Variants in PIGU observed in about 807,000 individuals in gnomAD.
PIGU encodes phosphatidylinositol glycan anchor biosynthesis class U, also known as GPI-anchor transamidase component PIGU.
In PIGU, 24 loss-of-function variants were observed where a neutral mutation model predicts 49.9. The ratio of observed to expected loss-of-function variants is 0.48; its 90% confidence interval spans 0.35 to 0.68. PIGU has a LOEUF of 0.68. Among genes scored for constraint, PIGU ranks in the 30% least tolerant of loss-of-function variants. PIGU has a pLI of 0.01. For missense variants in PIGU, 490 were observed against 532.6 expected (o/e 0.92, Z 0.79); for synonymous variants, 220 against 205.7 (o/e 1.07, Z -0.59).
At chr20:34,568,037 C>T (rs6088527) in intron 11 of PIGU, among the ~76,000 whole-genome samples, 66,813 of 151,986 alleles carry the variant, frequency 0.44, 15,282 homozygotes, top group Non-Finnish European at 0.5. Flanking sequence ...GGAAGTACAC[C>T]TCTGTCTCAT....
chr20:34,632,578 G>A (rs576477668), intron 6 of PIGU, among the ~76,000 whole-genome samples: 9 of 151,960 alleles, frequency 5.9e-5, no homozygotes, highest in African/African-American at 2.2e-4. Context: ...TCTTGACCAG[G>A]CTGGTCTTGA....
At position 34,614,967 on chromosome 20, in the gene PIGU, C is replaced by T. The variant is rs117993095; in HGVS notation, c.627+1075G>A. Among the ~76,000 whole-genome samples, 95 of 152,276 alleles carry T rather than the reference C, an allele frequency of 6.2e-4. No homozygotes were observed. In the East Asian group the frequency reaches 0.014, roughly 23 times the overall value. Reference sequence around the variant, plus strand: ...TGTGGGGCCTGCATGCAGTTACTTCCTCTTGAAGAAACATGTATGTACTAT... The same window carrying T: ...TGTGGGGCCTGCATGCAGTTACTTCTTCTTGAAGAAACATGTATGTACTAT... On this transcript the variant is annotated intron_variant, in intron 7 of 11. Transcript: ENST00000217446.
In PIGU at chr20:34,639,737, A is replaced by C. The variant is rs12624997; in HGVS notation, c.319-1752T>G. On this transcript the variant is annotated intron_variant, in intron 4 of 11. Transcript: ENST00000217446. ...TAGAGGCTTAATCTGAAAACCTGCA[A>C]CAAACTTCAAAAACCTCCCTTTGAT... Among the ~76,000 whole-genome samples the C allele has an allele frequency of 1.8e-3, 280 of 152,328 alleles. 6 individuals are homozygous for C. The East Asian group carries it at 0.045, about 24-fold the overall frequency.
At chr20:34,645,400 T>C in intron 2 of PIGU, 66 bp from the exon 3 acceptor site, 2 of 1,478,862 alleles carry the variant, frequency 1.4e-6, no homozygotes, top group South Asian at 1.4e-5. Flanking sequence ...GTTTCCAGAG[T>C]AGAGAGTGGG....
rs1368824799 is a variant in PIGU, at chr20:34,626,404, G to A, written c.529+8211C>T. Reference sequence around the variant, plus strand: ...TGCAACCTCCACCTCCCGGGTTCAAGCGATTCTCCTGCCTCAGCCTCCCGA... The same window carrying A: ...TGCAACCTCCACCTCCCGGGTTCAAACGATTCTCCTGCCTCAGCCTCCCGA... On this transcript the variant is annotated intron_variant, in intron 6 of 11. Transcript: ENST00000217446. Among the ~76,000 whole-genome samples, 5 of 151,170 alleles carry A rather than the reference G, an allele frequency of 3.3e-5. No individual in the cohort carries two copies. In the East Asian group the frequency reaches 9.7e-4, roughly 29 times the overall value.
Position 34,649,801 on chromosome 20 carries a change from T to C in PIGU, c.196-4467A>G, listed in dbSNP as rs185748203. ...CTGCCCACCTTGGCCTCCCAAAGTG[T>C]TGGTATTACAGGCATGAGCCACTGT... On this transcript the variant is annotated intron_variant, in intron 2 of 11. Transcript: ENST00000217446. 1.2e-3 allele frequency among the ~76,000 whole-genome samples: 180 copies of C among 150,744 alleles called. 3 individuals are homozygous for C. The East Asian group carries it at 0.032, about 27-fold the overall frequency.
chr20:34,562,563 C>A (rs886471929), intron 11 of PIGU: 1 of 1,289,156 alleles, frequency 7.8e-7, no homozygotes, highest in African/African-American at 1.5e-5. Flanking sequence ...CACAGAAGCC[C>A]ATCTGGAAGG....
intron 10 of PIGU, among the ~76,000 whole-genome samples, chr20:34,575,883 A>G (rs1568622437): frequency 6.6e-6 from 1 of 152,192 alleles, no homozygotes; most frequent in Non-Finnish European, 1.5e-5. Flanking sequence ...GCTCTCCCTG[A>G]GGTCTCAGGA....
At chr20:34,585,873 A>G (rs1282506778) in intron 8 of PIGU, among the ~76,000 whole-genome samples, 1 of 152,248 alleles carries the variant, frequency 6.6e-6, no homozygotes, top group Non-Finnish European at 1.5e-5. Context: ...TTTACTGCGC[A>G]AGACAGTTTA....
chr20:34,569,359 A>G (rs1019959850), intron 11 of PIGU, among the ~76,000 whole-genome samples: 2 of 152,052 alleles, frequency 1.3e-5, no homozygotes, highest in Non-Finnish European at 2.9e-5. Flanking sequence ...CCTCCTGAGT[A>G]GCTGGGATTA....
chr20:34,575,208 C>A lies in PIGU; in HGVS notation c.1090G>T (p.Val364Phe). 1.2e-6 allele frequency: 2 copies of A among 1,614,082 alleles called. No homozygotes were observed. The highest frequency in any genetic ancestry group is 1.7e-6 in the Non-Finnish European group (2 of 1,179,984). ...AGGACAGGGAAGAGCAGGGAACAGA[C>A]GATGATGATGCAGGTGAGGACAAAG... ...NIFVLTCIII[V>F]CSLLFPVLWH... Residue 364 changes from valine to phenylalanine, a missense_variant, in exon 11 of 12, where the codon GTC (valine) becomes TTC (phenylalanine). Coordinates refer to ENST00000217446, the MANE Select transcript of PIGU (RefSeq NM_080476.5).
rs1444585167 is a variant in PIGU at position 34,654,875 on chromosome 20, C to T, written c.195+2305G>A. On this transcript the variant is annotated intron_variant, in intron 2 of 11. Transcript: ENST00000217446. ...CAAAAATTAGCCAGGCATGGTGGCG[C>T]GTGCCTGTGGTCCCAGCTTCTCGGG... is the stretch of plus-strand genomic sequence containing the variant. Among the ~76,000 whole-genome samples, 8 of 116,210 alleles carry T rather than the reference C, an allele frequency of 6.9e-5. 1 individual carries two copies. The highest frequency in any genetic ancestry group is 1.1e-4 in the Non-Finnish European group (6 of 54,996). The allele number at this position is 116,210 out of a possible 152,430, so 76.2% of individuals were successfully genotyped here. A position where few individuals can be genotyped will look rare whatever the true frequency, so the allele number is the denominator to read the frequency against.
At chr20:34,657,655 G>A (rs572780349) in intron 1 of PIGU, among the ~76,000 whole-genome samples, 2 of 152,096 alleles carry the variant, frequency 1.3e-5, no homozygotes, top group African/African-American at 4.8e-5. Context: ...AGTGACATTT[G>A]TATTAACTTT....
intron 11 of PIGU, among the ~76,000 whole-genome samples, chr20:34,573,308 C>T (rs1414086155): frequency 6.6e-6 from 1 of 152,152 alleles, no homozygotes; most frequent in African/African-American, 2.4e-5. Context: ...GCTATGAACA[C>T]ACTTGATCCA....
intron 11 of PIGU, among the ~76,000 whole-genome samples, chr20:34,572,922 C>A (rs368527230): frequency 2.0e-5 from 3 of 152,196 alleles, no homozygotes; most frequent in South Asian, 4.1e-4. Context: ...TCTGCAAAGA[C>A]ACATACCAAA....
intron 4 of PIGU, among the ~76,000 whole-genome samples, chr20:34,642,680 C>A (rs1986204259): frequency 7.5e-6 from 1 of 133,408 alleles, no homozygotes; most frequent in Non-Finnish European, 1.6e-5. Flanking sequence ...TATATATGCA[C>A]ACACACATAT....
chr20:34,583,967 C>T (rs1983591736), intron 9 of PIGU, among the ~76,000 whole-genome samples: 2 of 152,272 alleles, frequency 1.3e-5, no homozygotes, highest in East Asian at 1.9e-4. Flanking sequence ...ACCATCTAGG[C>T]GTATCTGTAC....
chr20:34,632,776 T>A (rs751256784), intron 6 of PIGU, among the ~76,000 whole-genome samples: 66 of 152,056 alleles, frequency 4.3e-4, no homozygotes, highest in Non-Finnish European at 3.8e-4. Flanking sequence ...ACAGGAGATT[T>A]ATGAAGTTAA....
At position 34,584,030 on chromosome 20, in the gene PIGU, G is replaced by A. The variant is rs148983668; in HGVS notation, c.926+1407C>T. Among the ~76,000 whole-genome samples, 554 of 152,234 alleles carry A rather than the reference G, an allele frequency of 3.6e-3. 2 individuals carry two copies. Among genetic ancestry groups the A allele is most frequent in the Non-Finnish European group, 5.6e-3 (378 of 68,004 alleles). ...AAGCTAGGATAATAGAACCATTTCC[G>A]GAGGCTACTAAAAGCAATCTCTCCG... On this transcript the variant is annotated intron_variant, in intron 9 of 11. Transcript: ENST00000217446.
Sources: allele counts gnomAD v4.1 joint callset (sites outside exome capture counted in the v4.1 genomes callset), GRCh38; gene constraint gnomAD v4.1.1; transcripts MANE v1.5; gene names NCBI Gene and HGNC (gene_info 2026-07-23, HGNC 2026-07-21).